UBR2: variants seen among roughly 807,000 people sequenced by gnomAD.
UBR2 encodes the protein E3 ubiquitin-protein ligase UBR2.
UBR2 carries 92 observed loss-of-function variants against 247.9 expected under a neutral mutation model. The ratio of observed to expected loss-of-function variants is 0.37; its 90% CI spans 0.31 to 0.44. The LOEUF (loss-of-function observed/expected upper bound fraction) is 0.44, where lower values mean the gene tolerates loss of function less well. Among genes scored for constraint, UBR2 ranks in the 20% least tolerant of loss-of-function variants. UBR2 has a pLI of 1.00. For synonymous variants in UBR2, 672 were observed against 693.5 expected (o/e 0.97, Z 0.49); for missense variants, 1,613 against 2,112.6 (o/e 0.76, Z 4.64).
chr6:42,615,008 T>C lies in UBR2; in HGVS notation c.986-63T>C, dbSNP rs925388501. On this transcript the variant is annotated intron_variant, in intron 8 of 46. Transcript: ENST00000372901. ...TCTACAGATCCATTTGAACATCTACTAAAATGTCACTATTTTAATATTTGA... is the reference window on the plus strand; with the variant it reads ...TCTACAGATCCATTTGAACATCTACCAAAATGTCACTATTTTAATATTTGA... 5.6e-6 allele frequency: 8 copies of C among 1,431,440 alleles called. No individual in the cohort carries two copies. In the African/African-American group the frequency reaches 7.1e-5, roughly 13 times the overall value. 88.7% of individuals were successfully genotyped at this position (1,431,440 alleles called of 1,614,324 possible). A position where few individuals can be genotyped will look rare whatever the true frequency, so the allele number is the denominator to read the frequency against.
chr6:42,597,124 A>G (rs754748060), intron 4 of UBR2, among the ~76,000 whole-genome samples: 22 of 152,086 alleles, frequency 1.4e-4, no homozygotes, highest in Non-Finnish European at 2.6e-4. Context: ...TTATCCTCAT[A>G]CATTAGTGGG....
chr6:42,626,561 G>A (rs73422515), intron 11 of UBR2, among the ~76,000 whole-genome samples: 3,546 of 152,228 alleles, frequency 0.023, 121 homozygotes, highest in African/African-American at 0.08. Flanking sequence ...GTTCTCTTCA[G>A]CTGATAGAGT....
intron 36 of UBR2, 123 bp downstream of exon 36, chr6:42,670,838 AT>A: frequency 6.0e-6 from 4 of 665,732 alleles, no homozygotes; most frequent in Non-Finnish European, 1.0e-5. Context: ...GTAAAAACCC[AT>A]TTTCTGTAAG....
At chr6:42,648,986 A>C (rs1361965154) in intron 22 of UBR2, among the ~76,000 whole-genome samples, 1 of 152,044 alleles carries the variant, frequency 6.6e-6, no homozygotes, top group Non-Finnish European at 1.5e-5. Flanking sequence ...TTTTTACATA[A>C]TATACTTTGT....
chr6:42,682,555 G>A (rs904480942), intron 42 of UBR2, among the ~76,000 whole-genome samples: 1 of 151,854 alleles, frequency 6.6e-6, no homozygotes, highest in African/African-American at 2.4e-5. Context: ...AAGTAGCTGC[G>A]ACTACAGGCA....
rs1796337957 is a variant in UBR2 at position 42,640,147 on chromosome 6, G to C, written c.1859-62G>C. ...ATATAAAGTTGAGTGAATATTTAGG[G>C]TATTTTTCCTAAATGATTTTTACTG... On this transcript the variant is annotated intron_variant, in intron 15 of 46. Transcript: ENST00000372901. The C allele has an allele frequency of 3.8e-6, 5 of 1,315,118 alleles. No individual in the cohort carries two copies. In the African/African-American group the frequency reaches 4.4e-5, roughly 12 times the overall value. The allele number at this position is 1,315,118 out of a possible 1,614,324, so 81.5% of individuals were successfully genotyped here.
rs1273706941 is a variant in UBR2 at position 42,689,936 on chromosome 6, T to C, written c.5126+266T>C. 2.6e-5 allele frequency among the ~76,000 whole-genome samples: 4 copies of C among 152,164 alleles called. No homozygotes were observed. Among genetic ancestry groups the C allele is most frequent in the Non-Finnish European group, 4.4e-5 (3 of 68,028 alleles). On this transcript the variant is annotated intron_variant, in intron 46 of 46. Transcript: ENST00000372901. This position sits in a 1 kb window ranked among gnomAD's most constrained non-coding sequence, Gnocchi z 4.0. ...TTATCACTCCAAAGAACTGTTTGAA[T>C]TGCCATATAGCATCCCAGCTCAGAG...
chr6:42,595,223 TG>T (rs1792892477), intron 4 of UBR2, among the ~76,000 whole-genome samples: 1 of 152,236 alleles, frequency 6.6e-6, no homozygotes, highest in African/African-American at 2.4e-5. Context: ...ATTATAGTCA[TG>T]CTATAGTGCT....
At chr6:42,666,576 T>G (rs1348577333) in intron 34 of UBR2, among the ~76,000 whole-genome samples, 1 of 152,162 alleles carries the variant, frequency 6.6e-6, no homozygotes, top group Non-Finnish European at 1.5e-5. Flanking sequence ...GTGGCATGTT[T>G]AACTCTCACC....
intron 2 of UBR2, among the ~76,000 whole-genome samples, chr6:42,588,558 G>A (rs1411106441): frequency 1.3e-5 from 2 of 152,138 alleles, no homozygotes; most frequent in Admixed American, 1.3e-4. Flanking sequence ...CCATCTACTC[G>A]GGAGGCTGAA....
At position 42,605,794 on chromosome 6, in the gene UBR2, CT is replaced by C. The variant is rs765852048; in HGVS notation, c.738del (p.Gln247ArgfsTer18). The C allele has an allele frequency of 1.2e-6, 2 of 1,612,998 alleles. No homozygotes were observed. Among genetic ancestry groups the C allele is most frequent in the Non-Finnish European group, 1.7e-6 (2 of 1,179,502 alleles). On this transcript the variant is annotated frameshift_variant, in exon 6 of 47. Transcript: ENST00000372901. LOFTEE classifies it high-confidence loss of function. ...VHTYEQVIYT[L>X]QKAVNCTQKE... ...CACCTATGAACAAGTTATTTATACT[CT>C]TCAGAAAGCTGTTAACTGTACACAA...
intron 8 of UBR2, among the ~76,000 whole-genome samples, chr6:42,613,096 G>A (rs943583584): frequency 6.7e-6 from 1 of 149,538 alleles, no homozygotes; most frequent in Non-Finnish European, 1.5e-5. Context: ...GTGAAACTCT[G>A]TTTCAAAAAA....
chr6:42,674,535 C>T (rs954488116), intron 38 of UBR2, among the ~76,000 whole-genome samples: 3 of 152,052 alleles, frequency 2.0e-5, no homozygotes, highest in African/African-American at 7.2e-5. Flanking sequence ...AGGCTCACCC[C>T]AGATCACTTG....
At chr6:42,654,829 C>T (rs917836543) in intron 25 of UBR2, among the ~76,000 whole-genome samples, 8 of 152,146 alleles carry the variant, frequency 5.3e-5, no homozygotes, top group Admixed American at 3.3e-4. Context: ...CACTGAAGAA[C>T]TATAAAGTTT....
At chr6:42,614,519 C>T (rs929948027) in intron 8 of UBR2, among the ~76,000 whole-genome samples, 2 of 150,982 alleles carry the variant, frequency 1.3e-5, no homozygotes, top group African/African-American at 4.9e-5. Context: ...AAGAACGTTT[C>T]TGAAGTTTAC....
intron 22 of UBR2, among the ~76,000 whole-genome samples, chr6:42,649,342 G>A (rs1389767189): frequency 6.6e-6 from 1 of 152,090 alleles, no homozygotes; most frequent in Non-Finnish European, 1.5e-5. Flanking sequence ...GTACTGTAAT[G>A]TATCTAACCT....
intron 8 of UBR2, among the ~76,000 whole-genome samples, chr6:42,612,776 T>A (rs939399476): frequency 1.3e-5 from 2 of 152,306 alleles, no homozygotes; most frequent in South Asian, 2.1e-4. Context: ...CACTGAAAAT[T>A]TGTAAATTGG....
intron 44 of UBR2, among the ~76,000 whole-genome samples, chr6:42,687,419 G>A (rs552176609): frequency 6.6e-6 from 1 of 152,364 alleles, no homozygotes; most frequent in African/African-American, 2.4e-5. Context: ...GTTGCAGTGA[G>A]CCAAGATGGC....
chr6:42,581,641 A>C (rs1054347359), intron 2 of UBR2, among the ~76,000 whole-genome samples: 39 of 152,216 alleles, frequency 2.6e-4, no homozygotes, highest in African/African-American at 8.7e-4. Context: ...TCTAGATCTT[A>C]TAAAAATGAA....
Sources: allele counts gnomAD v4.1 joint callset (sites outside exome capture counted in the v4.1 genomes callset), GRCh38; gene constraint gnomAD v4.1.1; non-coding constraint Gnocchi (gnomAD v3.1); transcripts MANE v1.5; gene names NCBI Gene and HGNC (gene_info 2026-07-23, HGNC 2026-07-21).